Variants in CNTNAP4 observed in about 807,000 individuals in gnomAD.
The protein encoded by CNTNAP4 is contactin associated protein family member 4.
CNTNAP4 carries 98 observed loss-of-function variants against 148.4 expected under a neutral mutation model. The ratio of observed to expected loss-of-function variants is 0.66; its 90% CI spans 0.56 to 0.78. CNTNAP4 has a LOEUF of 0.78. CNTNAP4 is among the 30% of genes least tolerant of loss of function. The probability of loss-of-function intolerance (pLI) is 0.00; values close to 1 mark genes in which losing one functional copy is unlikely to be tolerated. For synonymous variants in CNTNAP4, 730 were observed against 565.1 expected (o/e 1.29, Z -4.14); for missense variants, 1,935 against 1,565.6 (o/e 1.24, Z -3.98).
chr16:76,418,676 G>C (rs74026768), intron 3 of CNTNAP4, among the ~76,000 whole-genome samples: 4,670 of 151,088 alleles, frequency 0.031, 245 homozygotes, highest in African/African-American at 0.11. Flanking sequence ...TTCAACATCT[G>C]TGGCATATTT....
intron 4 of CNTNAP4, among the ~76,000 whole-genome samples, chr16:76,438,172 G>C: frequency 6.6e-6 from 1 of 152,068 alleles, no homozygotes; most frequent in Non-Finnish European, 1.5e-5. Flanking sequence ...AAATTGAGTA[G>C]GGAATATTTA....
At chr16:76,463,748 T>G (rs1013451768) in intron 9 of CNTNAP4, among the ~76,000 whole-genome samples, 2 of 152,212 alleles carry the variant, frequency 1.3e-5, no homozygotes, top group African/African-American at 4.8e-5. Flanking sequence ...TGCATGTCTG[T>G]CCCTTGTATC....
intron 15 of CNTNAP4, among the ~76,000 whole-genome samples, 180 bp downstream of exon 15, chr16:76,498,874 T>C (rs2082513179): frequency 6.6e-6 from 1 of 151,976 alleles, no homozygotes; most frequent in South Asian, 2.1e-4. Context: ...AGACAGAAAG[T>C]AGAATGGTGG....
chr16:76,351,374 A>C (rs936635344), intron 2 of CNTNAP4, among the ~76,000 whole-genome samples: 1 of 152,198 alleles, frequency 6.6e-6, no homozygotes, highest in Admixed American at 6.5e-5. Context: ...AAAAAAAAAA[A>C]AAATTCTGCA....
At chr16:76,418,729 GTTT>G (rs111245948) in intron 3 of CNTNAP4, among the ~76,000 whole-genome samples, 5 of 149,684 alleles carry the variant, frequency 3.3e-5, no homozygotes, top group African/African-American at 7.3e-5. Flanking sequence ...AGAGTGTGGG[GTTT>G]TTTTTTTTCT....
At position 76,559,979 on chromosome 16, in the gene CNTNAP4, C is replaced by G. The variant is rs74025058; in HGVS notation, c.*1296C>G. ...GATGGGGTGAATTTCTCAAAAATTA[C>G]CAAGAATCAATCCAACTTGCTGAAT... On this transcript the variant is annotated 3_prime_UTR_variant, in exon 24 of 24. Coordinates refer to ENST00000611870, the MANE Select transcript of CNTNAP4 (RefSeq NM_033401.5). Among the ~76,000 whole-genome samples, 7,737 of 152,210 alleles carry G rather than the reference C, an allele frequency of 0.051. 649 individuals are homozygous for G. The highest frequency in any genetic ancestry group is 0.17 in the African/African-American group (7,186 of 41,510).
At chr16:76,329,627 A>G (rs1192293000) in intron 2 of CNTNAP4, among the ~76,000 whole-genome samples, 1 of 152,200 alleles carries the variant, frequency 6.6e-6, no homozygotes, top group Non-Finnish European at 1.5e-5. Context: ...TTAGCCTTAT[A>G]TATGTAATAA....
At chr16:76,382,535 T>C (rs1328362196) in intron 3 of CNTNAP4, among the ~76,000 whole-genome samples, 6 of 152,288 alleles carry the variant, frequency 3.9e-5, no homozygotes, top group African/African-American at 1.4e-4. Flanking sequence ...ATTTTCAATT[T>C]AAGAGAAAAA....
At chr16:76,343,708 TA>T (rs1964675411) in intron 2 of CNTNAP4, among the ~76,000 whole-genome samples, 1 of 152,034 alleles carries the variant, frequency 6.6e-6, no homozygotes, top group Non-Finnish European at 1.5e-5. Context: ...TAACACAATG[TA>T]ATACTGAAAA....
intron 3 of CNTNAP4, among the ~76,000 whole-genome samples, chr16:76,418,837 G>C (rs935103610): frequency 6.6e-6 from 1 of 151,774 alleles, no homozygotes; most frequent in Admixed American, 6.6e-5. Flanking sequence ...TTAGTATGAA[G>C]ATTTACATTA....
chr16:76,326,993 C>A (rs181735082), intron 2 of CNTNAP4, among the ~76,000 whole-genome samples: 81 of 152,150 alleles, frequency 5.3e-4, no homozygotes, highest in African/African-American at 1.6e-3. Context: ...CAAAAAAGCT[C>A]ATTCACCCAT....
chr16:76,373,882 T>G (rs1597356604), intron 3 of CNTNAP4, among the ~76,000 whole-genome samples: 5 of 109,354 alleles, frequency 4.6e-5, no homozygotes, highest in Admixed American at 1.2e-4. Flanking sequence ...GTGACAAGAG[T>G]GAAACTCCAT....
chr16:76,392,484 A>G (rs1301469304), intron 3 of CNTNAP4, among the ~76,000 whole-genome samples: 1 of 152,168 alleles, frequency 6.6e-6, no homozygotes. Flanking sequence ...CCGCAAATCT[A>G]CTTCTTACTT....
At chr16:76,430,781 T>C (rs1172162495) in intron 4 of CNTNAP4, among the ~76,000 whole-genome samples, 3 of 152,166 alleles carry the variant, frequency 2.0e-5, no homozygotes, top group Admixed American at 6.5e-5. Flanking sequence ...TCTTCTGACA[T>C]AGAAGAAGGT....
In CNTNAP4 at chr16:76,511,809, A is replaced by G. The variant is rs367603462; in HGVS notation, c.2366-9331A>G. Among the ~76,000 whole-genome samples, 13 of 150,026 alleles carry G rather than the reference A, an allele frequency of 8.7e-5. No individual in the cohort carries two copies. In the South Asian group the frequency reaches 2.4e-3, roughly 27 times the overall value. ...AGCAATGAACAAAATAGATAAAAATATCGGTATTCTTGGAGCTTATATTTT... is the reference window on the plus strand; with the variant it reads ...AGCAATGAACAAAATAGATAAAAATGTCGGTATTCTTGGAGCTTATATTTT... On this transcript the variant is annotated intron_variant, in intron 15 of 23. Transcript: ENST00000611870.
chr16:76,278,337 G>A (rs1958559938), intron 1 of CNTNAP4, among the ~76,000 whole-genome samples: 2 of 152,176 alleles, frequency 1.3e-5, no homozygotes, highest in Admixed American at 6.5e-5. Context: ...AGCGCTCTCC[G>A]GAAAGAGGAG....
rs2082143799 is a variant in CNTNAP4 at position 76,489,731 on chromosome 16, G to T, written c.1928G>T (p.Arg643Ile). The T allele has an allele frequency of 6.2e-7, 1 of 1,605,332 alleles. No homozygotes were observed. Among genetic ancestry groups the T allele is most frequent in the Non-Finnish European group, 8.5e-7 (1 of 1,175,344 alleles). Residue 643 changes from arginine (R) to isoleucine (I), a missense_variant, in exon 13 of 24, where the codon AGA becomes ATA. By Grantham distance (97) the Arg-to-Ile change is moderately conservative. Transcript: ENST00000611870. The stretch of plus-strand genomic sequence containing the variant: ...CAGCACAACGGCTCTGACTTAACAA[G>T]AGTCAGAAATACTAATCCAGAGAAC... ...IIQHNGSDLTRVRNTNPENPY... is the reference protein window; with the variant it reads ...IIQHNGSDLTIVRNTNPENPY...
chr16:76,489,727 A>G lies in CNTNAP4; in HGVS notation c.1924A>G (p.Thr642Ala). 1.2e-6 allele frequency: 2 copies of G among 1,605,634 alleles called. No individual in the cohort carries two copies. Among genetic ancestry groups the G allele is most frequent in the South Asian group, 2.2e-5 (2 of 89,210 alleles). ...TIIQHNGSDL[T>A]RVRNTNPENP... is the part of the protein sequence containing the mutation. ...CATACAGCACAACGGCTCTGACTTAACAAGAGTCAGAAATACTAATCCAGA... is the reference window on the plus strand; with the variant it reads ...CATACAGCACAACGGCTCTGACTTAGCAAGAGTCAGAAATACTAATCCAGA... Residue 642 changes from threonine (T) to alanine (A), a missense_variant, in exon 13 of 24, where the codon ACA becomes GCA. Physicochemically the swap from Thr to Ala is moderately conservative, Grantham distance 58. Coordinates refer to ENST00000611870, the MANE Select transcript of CNTNAP4 (RefSeq NM_033401.5).
At chr16:76,428,072 A>C (rs1434603427) in intron 4 of CNTNAP4, among the ~76,000 whole-genome samples, 2 of 152,216 alleles carry the variant, frequency 1.3e-5, no homozygotes, top group Non-Finnish European at 2.9e-5. Context: ...CTATGCTGTC[A>C]GTATAAATTA....
Sources: allele counts gnomAD v4.1 joint callset (sites outside exome capture counted in the v4.1 genomes callset), GRCh38; gene constraint gnomAD v4.1.1; transcripts MANE v1.5; gene names NCBI Gene and HGNC (gene_info 2026-07-23, HGNC 2026-07-21).